ZMAT4: variants seen among roughly 807,000 people sequenced by gnomAD.
The protein encoded by ZMAT4 is zinc finger matrin-type 4, also known as zinc finger matrin-type protein 4.
Under a neutral mutation model 28.7 loss-of-function variants are expected in ZMAT4, and 17 were observed. The observed-to-expected ratio is 0.59, with a 90% CI of 0.41 to 0.89. ZMAT4 has a LOEUF of 0.89. Among genes scored for constraint, ZMAT4 ranks in the 40% least tolerant of loss-of-function variants. ZMAT4 has a pLI of 0.00. For missense variants in ZMAT4, 240 were observed against 283.8 expected (o/e 0.85, Z 1.11); for synonymous variants, 117 against 109.2 (o/e 1.07, Z -0.44).
In ZMAT4 at chr8:40,530,888, C is replaced by T. The variant is rs1249636771; in HGVS notation, c.*1335G>A. 3.3e-5 allele frequency: 5 copies of T among 152,526 alleles called. No individual in the cohort carries two copies. In the South Asian group the frequency reaches 6.2e-4, roughly 19 times the overall value. 9.4% of individuals were successfully genotyped at this position (152,526 alleles called of 1,614,324 possible). On this transcript the variant is annotated 3_prime_UTR_variant, in exon 7 of 7. Coordinates refer to ENST00000297737, the MANE Select transcript of ZMAT4 (RefSeq NM_024645.3). ...GATTTTGAACACAGGTAAACAGGCTCCTTCATAACAACACTGTGCATTTCT... is the reference window on the plus strand; with the variant it reads ...GATTTTGAACACAGGTAAACAGGCTTCTTCATAACAACACTGTGCATTTCT...
At chr8:40,881,540 A>AAGAAAG (rs1563263807) in intron 1 of ZMAT4, among the ~76,000 whole-genome samples, 1 of 43,528 alleles carries the variant, frequency 2.3e-5, no homozygotes, top group Non-Finnish European at 4.7e-5. Flanking sequence ...GAAAGAAAGA[A>AAGAAAG]AGAAAGAAAG....
chr8:40,591,413 G>A (rs1261897004), intron 5 of ZMAT4, among the ~76,000 whole-genome samples: 1 of 152,180 alleles, frequency 6.6e-6, no homozygotes, highest in Non-Finnish European at 1.5e-5. Context: ...TGTGTGTGCA[G>A]GAACCAGGTG....
chr8:40,647,792 G>A (rs571060999), intron 5 of ZMAT4, among the ~76,000 whole-genome samples: 45 of 152,238 alleles, frequency 3.0e-4, no homozygotes, highest in Admixed American at 1.0e-3. Context: ...AGCCTAACTG[G>A]GAGGCACCCC....
intron 2 of ZMAT4, among the ~76,000 whole-genome samples, chr8:40,789,497 C>G (rs1436463714): frequency 1.3e-5 from 2 of 152,042 alleles, no homozygotes; most frequent in Admixed American, 1.3e-4. Flanking sequence ...AATTAGATAA[C>G]ACAACAGGGT....
chr8:40,883,255 C>T (rs1406658165), intron 1 of ZMAT4, among the ~76,000 whole-genome samples: 2 of 152,352 alleles, frequency 1.3e-5, no homozygotes, highest in South Asian at 2.1e-4. Flanking sequence ...GGACGGTTCT[C>T]TTTTCCAAAA....
chr8:40,534,919 G>A (rs1802800099), intron 6 of ZMAT4, among the ~76,000 whole-genome samples: 1 of 152,054 alleles, frequency 6.6e-6, no homozygotes, highest in African/African-American at 2.4e-5. Context: ...CTGACCTCAG[G>A]TGATCCACCC....
chr8:40,758,490 G>A (rs904367111), intron 3 of ZMAT4, among the ~76,000 whole-genome samples: 4 of 152,084 alleles, frequency 2.6e-5, no homozygotes, highest in South Asian at 2.1e-4. Flanking sequence ...ACTATGGCAC[G>A]GTCATCACCA....
chr8:40,584,800 A>G (rs887639972), intron 5 of ZMAT4, among the ~76,000 whole-genome samples: 2 of 151,990 alleles, frequency 1.3e-5, no homozygotes, highest in African/African-American at 4.8e-5. Context: ...TGCCCGGCTA[A>G]TTTTTATATT....
chr8:40,813,645 G>T (rs1815417109), intron 2 of ZMAT4, among the ~76,000 whole-genome samples: 1 of 152,258 alleles, frequency 6.6e-6, no homozygotes, highest in Non-Finnish European at 1.5e-5. Context: ...CTGGCTTTAG[G>T]GCCAGAGACC....
chr8:40,832,811 C>T (rs1441312819), intron 1 of ZMAT4, among the ~76,000 whole-genome samples: 1 of 152,186 alleles, frequency 6.6e-6, no homozygotes, highest in Non-Finnish European at 1.5e-5. Context: ...CTTGTTTCTA[C>T]TTTGATTTAT....
chr8:40,555,251 G>A (rs569235179), intron 6 of ZMAT4, among the ~76,000 whole-genome samples: 6 of 151,972 alleles, frequency 3.9e-5, no homozygotes, highest in African/African-American at 7.2e-5. Context: ...ATATATTTGC[G>A]ATTGCGAATA....
chr8:40,613,101 G>A (rs982849064), intron 5 of ZMAT4, among the ~76,000 whole-genome samples: 138 of 150,406 alleles, frequency 9.2e-4, no homozygotes, highest in Non-Finnish European at 3.0e-4. Context: ...GTGAGCCACC[G>A]TGACCGGCCT....
chr8:40,567,906 T>C (rs1803973221), intron 6 of ZMAT4, among the ~76,000 whole-genome samples: 1 of 152,110 alleles, frequency 6.6e-6, no homozygotes, highest in Non-Finnish European at 1.5e-5. Context: ...TCAGTGAATA[T>C]TGAGATTAGC....
chr8:40,579,776 A>G (rs1474764479), intron 6 of ZMAT4, among the ~76,000 whole-genome samples: 1 of 152,186 alleles, frequency 6.6e-6, no homozygotes, highest in Non-Finnish European at 1.5e-5. Flanking sequence ...AGACCCAATA[A>G]CATATCTGAT....
chr8:40,618,670 A>AG (rs1806097859), intron 5 of ZMAT4, among the ~76,000 whole-genome samples: 1 of 151,812 alleles, frequency 6.6e-6, no homozygotes, highest in South Asian at 2.1e-4. Flanking sequence ...AAAAAAAAAA[A>AG]AAAGAAATGA....
chr8:40,720,022 T>C (rs1408251479), intron 3 of ZMAT4, among the ~76,000 whole-genome samples: 1 of 152,236 alleles, frequency 6.6e-6, no homozygotes, highest in Non-Finnish European at 1.5e-5. Flanking sequence ...TAGGACCCAG[T>C]GACCATCTAC....
At chr8:40,780,763 C>A (rs957880476) in intron 2 of ZMAT4, among the ~76,000 whole-genome samples, 1 of 151,982 alleles carries the variant, frequency 6.6e-6, no homozygotes. Context: ...TGTAATGTAC[C>A]ACATTTATAG....
intron 4 of ZMAT4, 102 bp downstream of exon 4, chr8:40,697,143 G>C: frequency 7.4e-7 from 1 of 1,350,044 alleles, no homozygotes; most frequent in Non-Finnish European, 1.0e-6. Flanking sequence ...CTACCATTAG[G>C]CTCTGGTTCT....
chr8:40,647,715 G>A (rs1225613066), intron 5 of ZMAT4, among the ~76,000 whole-genome samples: 9 of 152,018 alleles, frequency 5.9e-5, no homozygotes, highest in East Asian at 3.9e-4. Flanking sequence ...CTCCCAGCAC[G>A]CAGCTGGAGA....
Sources: gnomAD v4.1 joint callset for allele counts (sites outside exome capture counted in the v4.1 genomes callset) on GRCh38, gnomAD v4.1.1 for gene constraint, MANE v1.5 for transcripts, NCBI Gene and HGNC (gene_info 2026-07-23, HGNC 2026-07-21) for gene names.